The following ANKRD18B variants were observed in gnomAD, a reference collection of about 807,000 sequenced individuals.
ANKRD18B encodes the protein ankyrin repeat domain 18B, also known as ankyrin repeat domain-containing protein 18B.
In ANKRD18B, 75 loss-of-function variants were observed where a neutral mutation model predicts 111.8. The ratio of observed to expected loss-of-function variants is 0.67; its 90% confidence interval spans 0.56 to 0.81. ANKRD18B has a LOEUF of 0.81. ANKRD18B is among the 40% of genes least tolerant of loss of function. The pLI, the probability that ANKRD18B is intolerant of heterozygous loss-of-function variation, is 0.00. For synonymous variants in ANKRD18B, 356 were observed against 417.3 expected, an observed-to-expected ratio of 0.85 and a Z score of 1.79; for missense variants, 1,038 against 1,225.5, an observed-to-expected ratio of 0.85 and a Z score of 2.28.
chr9:33,550,934 T>G (rs1374663015), intron 12 of ANKRD18B, among the ~76,000 whole-genome samples: 2 of 152,238 alleles, frequency 1.3e-5, no homozygotes, highest in African/African-American at 2.4e-5. Flanking sequence ...GAATGTTTAA[T>G]GGAATATTCC....
At chr9:33,536,851 T>G in intron 5 of ANKRD18B, 27 bp from the exon 6 acceptor site, 1 of 1,316,566 alleles carries the variant, frequency 7.6e-7, no homozygotes, top group Non-Finnish European at 1.0e-6. Context: ...ATTAAAATAC[T>G]AATTTTATTA....
At chr9:33,552,209 C>A (rs1408686376) in intron 12 of ANKRD18B, among the ~76,000 whole-genome samples, 2 of 152,072 alleles carry the variant, frequency 1.3e-5, no homozygotes, top group African/African-American at 2.4e-5. Context: ...AAATTAAAAC[C>A]AATTAGTCTA....
intron 13 of ANKRD18B, among the ~76,000 whole-genome samples, chr9:33,556,223 CTGAAATTTTTT>C (rs1828524517): frequency 2.0e-5 from 3 of 152,092 alleles, no homozygotes; most frequent in Admixed American, 6.6e-5. Context: ...ACAACACAAT[CTGAAATTTTTT>C]TGAATGCCAA....
intron 4 of ANKRD18B, 67 bp downstream of exon 4, chr9:33,533,612 T>A: frequency 6.8e-7 from 1 of 1,475,782 alleles, no homozygotes; most frequent in Non-Finnish European, 9.0e-7. Flanking sequence ...GTGGTAACAG[T>A]CGCTCAAGTC....
chr9:33,533,744 A>G, intron 4 of ANKRD18B, 199 bp downstream of exon 4: 1 of 1,116,370 alleles, frequency 9.0e-7, no homozygotes, highest in South Asian at 2.9e-5. Flanking sequence ...AGTAGGATTC[A>G]TCTTCTCTTA....
At chr9:33,530,527 CA>C (rs34371607) in intron 3 of ANKRD18B, among the ~76,000 whole-genome samples, 33,574 of 82,750 alleles carry the variant, frequency 0.41, 3,921 homozygotes, top group Middle Eastern at 0.47. Flanking sequence ...ACAACAAGAG[CA>C]AAAAAAAAAA....
downstream of ANKRD18B, among the ~76,000 whole-genome samples, chr9:33,575,333 C>T (rs1349896641): frequency 2.2e-5 from 3 of 139,052 alleles, no homozygotes; most frequent in Admixed American, 7.0e-5. Flanking sequence ...GGGTAGTGAC[C>T]AGCCCAACAT....
chr9:33,573,841 C>T (rs541985420), downstream of ANKRD18B, among the ~76,000 whole-genome samples: 43 of 145,270 alleles, frequency 3.0e-4, 1 homozygote, highest in African/African-American at 8.7e-4. Flanking sequence ...ACCTGGTTAG[C>T]GGTGGCCTCC....
chr9:33,552,579 T>C (rs1481842604), intron 12 of ANKRD18B, among the ~76,000 whole-genome samples: 5 of 152,170 alleles, frequency 3.3e-5, no homozygotes, highest in African/African-American at 9.7e-5. Flanking sequence ...TTGTAGTACA[T>C]ACATGACTGT....
At position 33,567,171 on chromosome 9, in the gene ANKRD18B, G is replaced by A. The variant is rs1828699101; in HGVS notation, c.2811G>A (p.Lys937=). 3 of 1,548,682 alleles carry A rather than the reference G, an allele frequency of 1.9e-6. No individual in the cohort carries two copies. Among genetic ancestry groups the A allele is most frequent in the Non-Finnish European group, 2.6e-6 (3 of 1,146,138 alleles). ...NKDNTASLKK[K]ELTLKDVECK... ...ATAATACGGCTTCACTAAAAAAGAA[G>A]GAACTCACACTTAAAGATGTGGAAT... is the stretch of plus-strand genomic sequence containing the variant. Residue 937 remains lysine (K), a synonymous_variant, in exon 16 of 19, where the codon AAG becomes AAA. Coordinates refer to ENST00000684830, the MANE Select transcript of ANKRD18B (RefSeq NM_001393611.1).
chr9:33,546,685 T>A (rs1828360854), intron 10 of ANKRD18B, among the ~76,000 whole-genome samples: 1 of 152,152 alleles, frequency 6.6e-6, no homozygotes, highest in South Asian at 2.1e-4. Context: ...ATCTGGTAAT[T>A]GATGTAATTC....
chr9:33,528,905 T>C (rs1430113855), intron 2 of ANKRD18B, 64 bp downstream of exon 2: 29 of 1,561,414 alleles, frequency 1.9e-5, no homozygotes, highest in Non-Finnish European at 2.3e-5. Flanking sequence ...AAAATGAATT[T>C]GTCTCATTTA....
chr9:33,532,136 A>G (rs1240615088), intron 3 of ANKRD18B, among the ~76,000 whole-genome samples: 1 of 152,090 alleles, frequency 6.6e-6, no homozygotes, highest in Non-Finnish European at 1.5e-5. Context: ...TGGGAGGCTG[A>G]GGCAGGAGAA....
chr9:33,548,559 G>A lies in ANKRD18B; in HGVS notation c.1771G>A (p.Glu591Lys). 1 of 1,551,106 alleles carries A rather than the reference G, an allele frequency of 6.4e-7. No individual in the cohort carries two copies. Among genetic ancestry groups the A allele is most frequent in the Non-Finnish European group, 8.7e-7 (1 of 1,146,606 alleles). ...DLKQAQHRIKEMKQMHPNGEA... is the reference protein window; with the variant it reads ...DLKQAQHRIKKMKQMHPNGEA... Reference sequence around the variant, plus strand: ...AAAGCAAGCGCAGCATCGAATAAAGGAAATGAAGCAGATGCATCCAAATGG... The same window carrying A: ...AAAGCAAGCGCAGCATCGAATAAAGAAAATGAAGCAGATGCATCCAAATGG... Residue 591 changes from glutamate to lysine, a missense_variant, in exon 11 of 19, where the codon GAA becomes AAA. Transcript: ENST00000684830.
intron 12 of ANKRD18B, among the ~76,000 whole-genome samples, chr9:33,551,589 T>G (rs1212902196): frequency 6.6e-6 from 1 of 152,118 alleles, no homozygotes; most frequent in East Asian, 1.9e-4. Flanking sequence ...CAGTAGTTTA[T>G]TCCTTCTTAT....
chr9:33,558,139 T>C lies in ANKRD18B; in HGVS notation c.2412T>C (p.Asn804=), dbSNP rs1298470233. The C allele has an allele frequency of 6.2e-7, 1 of 1,611,914 alleles. No individual in the cohort carries two copies. Among genetic ancestry groups the C allele is most frequent in the Admixed American group, 1.7e-5 (1 of 59,714 alleles). ...ACTTCAGTTGCCATGGAGACTTAAA[T>C]ACAGACCAACTGAAAATGGATATTC... ...NEDFSCHGDL[N]TDQLKMDILF... The change falls in exon 14 of 19, where the codon AAT becomes AAC. Residue 804 remains asparagine (N), a synonymous_variant. Transcript: ENST00000684830.
Position 33,540,070 on chromosome 9 carries a change from G to A in ANKRD18B, c.863-8G>A, listed in dbSNP as rs1042803949. 5 of 151,850 alleles carry A rather than the reference G, an allele frequency of 3.3e-5. No homozygotes were observed. The highest frequency in any genetic ancestry group is 7.4e-5 in the Non-Finnish European group (5 of 67,994). 9.4% of individuals were successfully genotyped at this position (151,850 alleles called of 1,614,324 possible). On this transcript the variant is annotated splice_region_variant and splice_polypyrimidine_tract_variant and intron_variant, in intron 7 of 18. Coordinates refer to ENST00000684830, the MANE Select transcript of ANKRD18B (RefSeq NM_001393611.1). ...TTTGTAAATTTTTTTTTTCCTTCGGGGATGTAGTCTCGCTCTATCACCAGT... is the reference window on the plus strand; with the variant it reads ...TTTGTAAATTTTTTTTTTCCTTCGGAGATGTAGTCTCGCTCTATCACCAGT...
chr9:33,542,355 A>G (rs1828291326), intron 9 of ANKRD18B, among the ~76,000 whole-genome samples: 2 of 145,950 alleles, frequency 1.4e-5, no homozygotes, highest in Admixed American at 7.1e-5. Flanking sequence ...AGGACTTCAC[A>G]TAGAATTTTG....
At chr9:33,543,082 C>T in intron 9 of ANKRD18B, 103 bp from the exon 10 acceptor site, 1 of 1,082,922 alleles carries the variant, frequency 9.2e-7, no homozygotes. Flanking sequence ...CATTTAAATT[C>T]TCAATTTATA....
Sources: allele counts gnomAD v4.1 joint callset (sites outside exome capture counted in the v4.1 genomes callset), GRCh38; gene constraint gnomAD v4.1.1; transcripts MANE v1.5; gene names NCBI Gene and HGNC (gene_info 2026-07-23, HGNC 2026-07-21).